Variants in RNF150 observed in about 807,000 individuals in gnomAD.
RNF150 encodes ring finger protein 150.
A neutral mutation model predicts 39.3 loss-of-function variants in RNF150; 24 were observed. That is an observed-to-expected ratio of 0.61 (90% CI 0.44 to 0.86). The LOEUF is 0.86. RNF150 is among the 40% of genes least tolerant of loss of function. The pLI is 0.00. For missense variants in RNF150, 502 were observed against 587.8 expected (o/e 0.85, Z 1.51); for synonymous variants, 255 against 227.3 (o/e 1.12, Z -1.10).
intron 6 of RNF150, among the ~76,000 whole-genome samples, chr4:140,868,928 C>A (rs1359302661): frequency 7.2e-5 from 11 of 152,024 alleles, no homozygotes; most frequent in Non-Finnish European, 1.5e-5. Context: ...ATAAGATATC[C>A]TTTTTTGTCT....
At chr4:140,968,061 T>G (rs1040211985) in intron 1 of RNF150, among the ~76,000 whole-genome samples, 188 bp from the exon 2 acceptor site, 1 of 152,138 alleles carries the variant, frequency 6.6e-6, no homozygotes, top group Admixed American at 6.6e-5. Flanking sequence ...GCTACCTAGC[T>G]TTCTTCAGCT....
chr4:140,900,325 T>C (rs1159197858), intron 6 of RNF150, among the ~76,000 whole-genome samples: 3 of 152,144 alleles, frequency 2.0e-5, no homozygotes, highest in Non-Finnish European at 4.4e-5. Context: ...TTTCTAGGAA[T>C]TGACACTAAT....
chr4:141,177,757 A>T (rs1485024332), intron 1 of RNF150, among the ~76,000 whole-genome samples: 4 of 152,134 alleles, frequency 2.6e-5, no homozygotes, highest in African/African-American at 7.2e-5. Flanking sequence ...TTATCATCTT[A>T]ACTGTTCGGC....
intron 1 of RNF150, among the ~76,000 whole-genome samples, chr4:141,200,868 T>C (rs182656263): frequency 2.6e-5 from 4 of 152,192 alleles, no homozygotes; most frequent in African/African-American, 9.6e-5. Context: ...CTCAAATAAG[T>C]TGAAAAAAGT....
chr4:141,040,352 T>A (rs903904040), intron 1 of RNF150, among the ~76,000 whole-genome samples: 1 of 152,172 alleles, frequency 6.6e-6, no homozygotes, highest in Non-Finnish European at 1.5e-5. Context: ...GTACTAATAT[T>A]TTAATGGCTA....
chr4:140,975,501 C>T (rs1449910855), intron 1 of RNF150, among the ~76,000 whole-genome samples: 1 of 152,128 alleles, frequency 6.6e-6, no homozygotes, highest in Non-Finnish European at 1.5e-5. Flanking sequence ...AAAACAACTT[C>T]TAGTTCCTGC....
chr4:141,062,650 A>G (rs925947279), intron 1 of RNF150, among the ~76,000 whole-genome samples: 4 of 152,170 alleles, frequency 2.6e-5, no homozygotes, highest in Admixed American at 2.6e-4. Context: ...GTTGTTTATC[A>G]CATTATCTTA....
At position 140,871,577 on chromosome 4, in the gene RNF150, A is replaced by G. The variant is rs146076938; in HGVS notation, c.1199-3198T>C. On this transcript the variant is annotated intron_variant, in intron 6 of 6. Transcript: ENST00000515673. The stretch of plus-strand genomic sequence containing the variant: ...AAGCCAAAATTTTCAGCTCACAATT[A>G]AACTGGAAGTCAACCAAAGAGCTCA... Among the ~76,000 whole-genome samples the G allele has an allele frequency of 6.6e-4, 101 of 152,312 alleles. No homozygotes were observed. In the East Asian group the frequency reaches 0.017, roughly 26 times the overall value.
chr4:141,005,637 T>G (rs1370632991), intron 1 of RNF150, among the ~76,000 whole-genome samples: 7 of 152,168 alleles, frequency 4.6e-5, no homozygotes, highest in African/African-American at 1.7e-4. Context: ...AGATAAAACC[T>G]ATGAGAAATG....
intron 2 of RNF150, among the ~76,000 whole-genome samples, chr4:140,962,462 ATATGT>A (rs1381436815): frequency 1.3e-5 from 2 of 150,720 alleles, no homozygotes; most frequent in East Asian, 3.9e-4. Flanking sequence ...TATATGATAT[ATATGT>A]TATATGTATA....
At chr4:141,124,091 C>A (rs551613782) in intron 1 of RNF150, among the ~76,000 whole-genome samples, 41 of 152,336 alleles carry the variant, frequency 2.7e-4, no homozygotes, top group East Asian at 9.6e-4. Context: ...AAGGAAAAAT[C>A]CACTGTGGTG....
rs572630235 is a variant in RNF150, at chr4:141,145,332, TTAACA to T, written c.-6+67457_-6+67461del. The stretch of plus-strand genomic sequence containing the variant: ...CAAATTGAGTTAGAAATATTTTTAC[TTAACA>T]TAACATTAAGATGAATAAAAATAAG... On this transcript the variant is annotated intron_variant, in intron 1 of 7. Coordinates refer to the RNF150 transcript ENST00000420921. Among the ~76,000 whole-genome samples, 239 of 152,336 alleles carry T rather than the reference TTAACA, an allele frequency of 1.6e-3. 2 individuals carry two copies. The highest frequency in any genetic ancestry group is 5.4e-3 in the African/African-American group (224 of 41,584).
intron 4 of RNF150, among the ~76,000 whole-genome samples, chr4:140,945,987 A>T (rs1732294295): frequency 6.6e-6 from 1 of 152,204 alleles, no homozygotes; most frequent in Non-Finnish European, 1.5e-5. Context: ...CACATACTGC[A>T]TTTGTCTGCC....
At chr4:141,183,980 G>T (rs1215542655) in intron 1 of RNF150, among the ~76,000 whole-genome samples, 1 of 152,156 alleles carries the variant, frequency 6.6e-6, no homozygotes, top group Non-Finnish European at 1.5e-5. Context: ...GTGTGCATGT[G>T]TCTTTATAGT....
At chr4:141,036,394 A>G (rs973119852) in intron 1 of RNF150, among the ~76,000 whole-genome samples, 1 of 152,198 alleles carries the variant, frequency 6.6e-6, no homozygotes, top group African/African-American at 2.4e-5. Context: ...TGGTAAAAAC[A>G]CATGACATAA....
Position 141,188,925 on chromosome 4 carries a change from C to T in RNF150, c.-6+23869G>A, listed in dbSNP as rs184646776. Among the ~76,000 whole-genome samples the T allele has an allele frequency of 3.9e-3, 598 of 152,256 alleles. 4 individuals are homozygous for T. Among genetic ancestry groups the T allele is most frequent in the Non-Finnish European group, 7.0e-3 (476 of 68,016 alleles). On this transcript the variant is annotated intron_variant, in intron 1 of 7. Coordinates refer to the RNF150 transcript ENST00000420921. ...CTGTCCAGTTTTTTGCCCTTGCTGGCGAGGAGTTATGATCCTTTGGAGGAA... is the reference window on the plus strand; with the variant it reads ...CTGTCCAGTTTTTTGCCCTTGCTGGTGAGGAGTTATGATCCTTTGGAGGAA...
At chr4:141,045,787 G>T (rs60765913) in intron 1 of RNF150, among the ~76,000 whole-genome samples, 3 of 151,832 alleles carry the variant, frequency 2.0e-5, no homozygotes, top group Non-Finnish European at 4.4e-5. Context: ...CAGGTGATCC[G>T]CCCACCTCAG....
chr4:141,035,347 C>A (rs528475329), intron 1 of RNF150, among the ~76,000 whole-genome samples: 2 of 152,144 alleles, frequency 1.3e-5, no homozygotes, highest in East Asian at 1.9e-4. Flanking sequence ...CTGGCGCTAC[C>A]GGATTCACCT....
intron 1 of RNF150, among the ~76,000 whole-genome samples, chr4:141,020,791 CATT>C (rs1371220559): frequency 4.6e-5 from 7 of 152,096 alleles, no homozygotes; most frequent in Non-Finnish European, 8.8e-5. Context: ...TAAGTTGTTT[CATT>C]TGGTTAGATT....
Sources: gnomAD v4.1 joint callset for allele counts (sites outside exome capture counted in the v4.1 genomes callset) on GRCh38, gnomAD v4.1.1 for gene constraint, MANE v1.5 for transcripts, NCBI Gene and HGNC (gene_info 2026-07-23, HGNC 2026-07-21) for gene names.